Variants in ANKS1B observed in about 807,000 individuals in gnomAD.
The protein encoded by ANKS1B is ankyrin repeat and sterile alpha motif domain-containing protein 1B.
A neutral mutation model predicts 148.3 loss-of-function variants in ANKS1B; 36 were observed. That is an observed-to-expected ratio of 0.24 (90% CI 0.19 to 0.32). The LOEUF (loss-of-function observed/expected upper bound fraction) is 0.32, where lower values mean the gene tolerates loss of function less well. Among genes scored for constraint, ANKS1B ranks in the 10% least tolerant of loss-of-function variants. The pLI is 1.00. For missense variants in ANKS1B, 1,157 were observed against 1,542.6 expected, an observed-to-expected ratio of 0.75 and a Z score of 4.19; for synonymous variants, 542 against 560.8, an observed-to-expected ratio of 0.97 and a Z score of 0.47.
chr12:99,839,214 A>C (rs2085317348), intron 1 of ANKS1B, among the ~76,000 whole-genome samples: 1 of 152,158 alleles, frequency 6.6e-6, no homozygotes, highest in Non-Finnish European at 1.5e-5. Context: ...CATCTTTAAA[A>C]TAAAAAATAA....
intron 17 of ANKS1B, among the ~76,000 whole-genome samples, chr12:98,897,581 G>A (rs1167830171): frequency 2.0e-5 from 3 of 152,182 alleles, no homozygotes; most frequent in African/African-American, 7.2e-5. Context: ...TGTTGGTGAG[G>A]TTGCCGAGAA....
intron 1 of ANKS1B, among the ~76,000 whole-genome samples, chr12:99,930,166 T>C (rs2094577082): frequency 6.6e-6 from 1 of 151,452 alleles, no homozygotes; most frequent in Admixed American, 6.6e-5. Flanking sequence ...TATCCTCTTT[T>C]ATTTCGTTGA....
intron 17 of ANKS1B, among the ~76,000 whole-genome samples, chr12:98,855,328 C>T (rs1426024045): frequency 6.6e-6 from 1 of 152,136 alleles, no homozygotes; most frequent in Non-Finnish European, 1.5e-5. Context: ...GAGGCAGTGG[C>T]CATATTTAGA....
At chr12:99,539,376 A>T (rs1474765327) in intron 9 of ANKS1B, among the ~76,000 whole-genome samples, 2 of 152,306 alleles carry the variant, frequency 1.3e-5, no homozygotes, top group Non-Finnish European at 2.9e-5. Flanking sequence ...ATATTGGGGC[A>T]AAGTTTTTTT....
intron 5 of ANKS1B, among the ~76,000 whole-genome samples, chr12:99,780,315 G>A (rs1339984246): frequency 1.3e-5 from 2 of 151,710 alleles, no homozygotes; most frequent in Middle Eastern, 3.4e-3. Flanking sequence ...TCACTCTGTT[G>A]CCCAGGCTGG....
chr12:99,395,837 T>C (rs932249968), intron 12 of ANKS1B, among the ~76,000 whole-genome samples: 1 of 152,184 alleles, frequency 6.6e-6, no homozygotes, highest in African/African-American at 2.4e-5. Flanking sequence ...TGAAGATGTA[T>C]TAGTCTTTGT....
intron 17 of ANKS1B, among the ~76,000 whole-genome samples, chr12:98,889,349 TA>T (rs1436073000): frequency 6.7e-6 from 1 of 148,424 alleles, no homozygotes; most frequent in Non-Finnish European, 1.5e-5. Flanking sequence ...GAACCTTTTT[TA>T]TTTTTTTTTT....
intron 17 of ANKS1B, among the ~76,000 whole-genome samples, chr12:98,957,545 A>C (rs1216570136): frequency 1.3e-5 from 2 of 151,668 alleles, no homozygotes; most frequent in Non-Finnish European, 2.9e-5. Context: ...ACGGGTTTTC[A>C]CCATATTGGC....
chr12:99,360,795 G>A (rs2092403333), intron 12 of ANKS1B, among the ~76,000 whole-genome samples: 2 of 152,096 alleles, frequency 1.3e-5, no homozygotes, highest in South Asian at 4.1e-4. Flanking sequence ...CTTTGTTGTT[G>A]TAAGCCATTA....
At position 98,922,758 on chromosome 12, in the gene ANKS1B, C is replaced by G. The variant is rs149252144; in HGVS notation, c.2779-90622G>C. On this transcript the variant is annotated intron_variant, in intron 17 of 26. Coordinates refer to ENST00000683438, the MANE Select transcript of ANKS1B (RefSeq NM_001352186.2). The stretch of plus-strand genomic sequence containing the variant: ...AGGCGATCCACCCACCTCAGCCTCC[C>G]AAAGTGCTGGGATGACAGGCATGAG... Among the ~76,000 whole-genome samples, 363 of 152,284 alleles carry G rather than the reference C, an allele frequency of 2.4e-3. 3 individuals carry two copies. In the East Asian group the frequency reaches 0.045, roughly 19 times the overall value.
intron 16 of ANKS1B, among the ~76,000 whole-genome samples, chr12:99,080,834 T>C (rs1292758567): frequency 1.3e-5 from 2 of 152,188 alleles, no homozygotes; most frequent in Non-Finnish European, 2.9e-5. Context: ...TTAACATTTC[T>C]AGGACAGTAG....
At chr12:99,018,441 T>C (rs73384702) in intron 17 of ANKS1B, among the ~76,000 whole-genome samples, 1 of 152,194 alleles carries the variant, frequency 6.6e-6, no homozygotes, top group African/African-American at 2.4e-5. Context: ...AACATTTTGA[T>C]GCTGACTCCC....
intron 16 of ANKS1B, among the ~76,000 whole-genome samples, chr12:99,072,711 T>C (rs562123759): frequency 6.6e-6 from 1 of 152,362 alleles, no homozygotes; most frequent in Non-Finnish European, 1.5e-5. Flanking sequence ...TTTATCCACC[T>C]AAAACAGCAT....
intron 9 of ANKS1B, among the ~76,000 whole-genome samples, chr12:99,648,952 G>A (rs1315288281): frequency 6.6e-6 from 1 of 152,150 alleles, no homozygotes; most frequent in Non-Finnish European, 1.5e-5. Flanking sequence ...ACATTGAGGA[G>A]GTTCCTAGTG....
chr12:98,769,444 A>C (rs1276218131), intron 25 of ANKS1B, among the ~76,000 whole-genome samples: 1 of 152,154 alleles, frequency 6.6e-6, no homozygotes, highest in Non-Finnish European at 1.5e-5. Context: ...GGATCTGTGT[A>C]AGATGAAAGT....
intron 8 of ANKS1B, among the ~76,000 whole-genome samples, chr12:99,671,460 C>T (rs2153469257): frequency 6.6e-6 from 1 of 152,184 alleles, no homozygotes; most frequent in Non-Finnish European, 1.5e-5. Flanking sequence ...TATTAAATAG[C>T]AATATTTTAT....
chr12:99,666,245 T>C (rs992147240), intron 8 of ANKS1B, among the ~76,000 whole-genome samples: 2 of 152,214 alleles, frequency 1.3e-5, no homozygotes, highest in East Asian at 1.9e-4. Context: ...TCCAAATTTG[T>C]TCTTCTTTGA....
chr12:99,381,086 A>T (rs904745552), intron 12 of ANKS1B, among the ~76,000 whole-genome samples: 2 of 152,214 alleles, frequency 1.3e-5, no homozygotes, highest in Non-Finnish European at 2.9e-5. Context: ...AAGCTGGAAG[A>T]GGCAAGAAAG....
At chr12:98,964,493 T>A (rs146658903) in intron 17 of ANKS1B, among the ~76,000 whole-genome samples, 13 of 152,206 alleles carry the variant, frequency 8.5e-5, no homozygotes, top group African/African-American at 3.1e-4. Flanking sequence ...ATATGTCTTA[T>A]CTCTGTACTC....
Sources: gnomAD v4.1 joint callset for allele counts (sites outside exome capture counted in the v4.1 genomes callset) on GRCh38, gnomAD v4.1.1 for gene constraint, MANE v1.5 for transcripts, NCBI Gene and HGNC (gene_info 2026-07-23, HGNC 2026-07-21) for gene names.